Variants in FOXK2 observed in about 807,000 individuals in gnomAD.
The protein encoded by FOXK2 is forkhead box protein K2.
FOXK2 carries 24 observed loss-of-function variants against 53.3 expected under a neutral mutation model. The ratio of observed to expected loss-of-function variants is 0.45; its 90% CI spans 0.33 to 0.63. The LOEUF (loss-of-function observed/expected upper bound fraction) is 0.63. Ranked by LOEUF, FOXK2 falls within the 30% of genes least tolerant of loss-of-function variation. The pLI, the probability that FOXK2 is intolerant of heterozygous loss-of-function variation, is 0.03. For missense variants in FOXK2, 952 were observed against 910.5 expected (o/e 1.05, Z -0.59); for synonymous variants, 505 against 407.1 (o/e 1.24, Z -2.89).
intron 8 of FOXK2, among the ~76,000 whole-genome samples, chr17:82,588,915 C>T (rs868458546): frequency 6.8e-5 from 10 of 147,056 alleles, no homozygotes; most frequent in Middle Eastern, 3.6e-3. Flanking sequence ...ACAAATTAGC[C>T]GGGTCTGGTG....
intron 1 of FOXK2, among the ~76,000 whole-genome samples, chr17:82,539,593 G>A (rs2044554925): frequency 6.6e-6 from 1 of 152,004 alleles, no homozygotes; most frequent in Non-Finnish European, 1.5e-5. Flanking sequence ...AGGCTGTAGT[G>A]AGCCATGATC....
intron 1 of FOXK2, among the ~76,000 whole-genome samples, chr17:82,523,074 T>C (rs1339708764): frequency 6.6e-6 from 1 of 152,240 alleles, no homozygotes; most frequent in Non-Finnish European, 1.5e-5. Flanking sequence ...ATTACAGCTG[T>C]GAGCCACCAC....
chr17:82,545,280 A>C (rs1483984131), intron 1 of FOXK2, among the ~76,000 whole-genome samples: 1 of 152,164 alleles, frequency 6.6e-6, no homozygotes, highest in Non-Finnish European at 1.5e-5. Flanking sequence ...CGGAATTCCT[A>C]TCCCGAATTC....
intron 4 of FOXK2, chr17:82,576,870 T>A: frequency 2.0e-6 from 1 of 511,824 alleles, no homozygotes; most frequent in South Asian, 2.1e-5. Flanking sequence ...ACCAAAAAAA[T>A]GTATGCAGGC....
chr17:82,596,681 G>A lies in FOXK2; in HGVS notation c.1787-4622G>A, dbSNP rs944249107. Among the ~76,000 whole-genome samples the A allele has an allele frequency of 5.3e-5, 8 of 152,174 alleles. No homozygotes were observed. In the East Asian group the frequency reaches 5.8e-4, roughly 11 times the overall value. The stretch of plus-strand genomic sequence containing the variant: ...GCCATTCTAGGTCCTTGGCATTTCC[G>A]CGTGAACTGTAGGATTCCTACACCA... On this transcript the variant is annotated intron_variant, in intron 8 of 8. Transcript: ENST00000335255.
intron 1 of FOXK2, among the ~76,000 whole-genome samples, chr17:82,545,159 G>A (rs1409762040): frequency 3.3e-5 from 5 of 152,038 alleles, no homozygotes; most frequent in Non-Finnish European, 5.9e-5. Context: ...ACAGAAAAGT[G>A]CACAGATTCT....
At chr17:82,571,703 G>C in intron 3 of FOXK2, 21 bp from the exon 4 acceptor site, 2 of 1,496,128 alleles carry the variant, frequency 1.3e-6, no homozygotes, top group South Asian at 2.6e-5. Context: ...TATTCGTTTT[G>C]TGTTTGTTTT....
intron 8 of FOXK2, among the ~76,000 whole-genome samples, chr17:82,588,797 T>A (rs2045223475): frequency 6.7e-6 from 1 of 150,048 alleles, no homozygotes; most frequent in South Asian, 2.1e-4. Flanking sequence ...ACGCCTGTAA[T>A]CCCAGCACTT....
At position 82,584,117 on chromosome 17, in the gene FOXK2, A is replaced by G; in HGVS notation, c.1208A>G (p.Glu403Gly). 1 of 1,611,258 alleles carries G rather than the reference A, an allele frequency of 6.2e-7. No homozygotes were observed. The highest frequency in any genetic ancestry group is 8.5e-7 in the Non-Finnish European group (1 of 1,179,856). Residue 403 changes from glutamate to glycine, a missense_variant, in exon 6 of 9, where the codon GAG becomes GGG. This residue lies in a region of FOXK2 where 551 missense variants were observed against 385.1 expected (regional missense o/e 1.43). Coordinates refer to ENST00000335255, the MANE Select transcript of FOXK2 (RefSeq NM_004514.4). ...LSREGSPAPL[E>G]PEPGAAQPKL... ...AGGGAAGGTTCGCCGGCCCCCCTGGAGCCTGAGCCTGGCGCTGCACAGCCC... is the reference window on the plus strand; with the variant it reads ...AGGGAAGGTTCGCCGGCCCCCCTGGGGCCTGAGCCTGGCGCTGCACAGCCC...
intron 2 of FOXK2, 80 bp downstream of exon 2, chr17:82,563,628 G>A: frequency 7.7e-7 from 1 of 1,293,286 alleles, no homozygotes. Context: ...CTTCCCTGGT[G>A]CTGACTTATG....
intron 1 of FOXK2, among the ~76,000 whole-genome samples, chr17:82,533,250 G>A (rs945343636): frequency 3.3e-5 from 5 of 152,190 alleles, no homozygotes; most frequent in Non-Finnish European, 7.3e-5. Flanking sequence ...AGCACTTTGG[G>A]AGGCCAGGCG....
chr17:82,585,353 C>T (rs886562074), intron 6 of FOXK2: 3 of 150,970 alleles, frequency 2.0e-5, no homozygotes, highest in Non-Finnish European at 4.4e-5. Flanking sequence ...GAGACAAGGT[C>T]TTGCTCTGTC....
intron 2 of FOXK2, 22 bp from the exon 3 acceptor site, chr17:82,568,032 A>T: frequency 6.3e-7 from 1 of 1,583,098 alleles, no homozygotes; most frequent in Non-Finnish European, 8.5e-7. Flanking sequence ...GACTAATAGG[A>T]ACAACTTTTT....
intron 3 of FOXK2, among the ~76,000 whole-genome samples, chr17:82,569,649 AG>A (rs2044891427): frequency 6.6e-6 from 1 of 152,174 alleles, no homozygotes; most frequent in African/African-American, 2.4e-5. Context: ...TTAGAAACAT[AG>A]AAAAAAATCA....
chr17:82,582,205 C>T (rs2045072083), intron 4 of FOXK2, among the ~76,000 whole-genome samples: 1 of 152,226 alleles, frequency 6.6e-6, no homozygotes, highest in African/African-American at 2.4e-5. Flanking sequence ...TTGCCTCCAC[C>T]TGGAATGCTC....
intron 1 of FOXK2, among the ~76,000 whole-genome samples, chr17:82,543,186 A>G (rs938723480): frequency 2.1e-5 from 3 of 142,162 alleles, no homozygotes; most frequent in East Asian, 2.1e-4. Context: ...ATCCACAACT[A>G]TTTTTAAATG....
intron 1 of FOXK2, among the ~76,000 whole-genome samples, chr17:82,546,645 T>A (rs933720359): frequency 3.9e-5 from 6 of 152,024 alleles, no homozygotes; most frequent in Non-Finnish European, 5.9e-5. Flanking sequence ...TCCTTTTTTT[T>A]AAACGGTGAC....
In FOXK2 at chr17:82,526,801, A is replaced by G. The variant is rs537005545; in HGVS notation, c.419+6494A>G. 1.8e-4 allele frequency among the ~76,000 whole-genome samples: 27 copies of G among 151,324 alleles called. No individual in the cohort carries two copies. In the South Asian group the frequency reaches 5.7e-3, roughly 32 times the overall value. On this transcript the variant is annotated intron_variant, in intron 1 of 8. Coordinates refer to ENST00000335255, the MANE Select transcript of FOXK2 (RefSeq NM_004514.4). ...AGCCGAGATCGCGCCACTGCACTCC[A>G]ACCTGGGCGACAGAGCGAGACTCCG...
intron 1 of FOXK2, 96 bp downstream of exon 1, chr17:82,520,403 G>T: frequency 9.4e-7 from 1 of 1,063,012 alleles, no homozygotes; most frequent in Non-Finnish European, 1.2e-6. Flanking sequence ...CCACCCACGA[G>T]CGGGGGCCCG....
Sources: gnomAD v4.1 joint callset for allele counts (sites outside exome capture counted in the v4.1 genomes callset) on GRCh38, gnomAD v4.1.1 for gene constraint, gnomAD v4.1.1 regional missense constraint, MANE v1.5 for transcripts, NCBI Gene and HGNC (gene_info 2026-07-23, HGNC 2026-07-21) for gene names.